The following MROH2B variants were observed in gnomAD, a reference collection of about 807,000 sequenced individuals.
The protein encoded by MROH2B is maestro heat like repeat family member 2B, also known as maestro heat-like repeat-containing protein family member 2B.
In MROH2B, 177 loss-of-function variants were observed where a neutral mutation model predicts 208.6. The observed-to-expected ratio is 0.85, with a 90% CI of 0.75 to 0.96. MROH2B has a LOEUF of 0.96. MROH2B is among the 40% of genes least tolerant of loss of function. The pLI, the probability that MROH2B is intolerant of heterozygous loss-of-function variation, is 0.00. For synonymous variants in MROH2B, 728 were observed against 659.0 expected, an observed-to-expected ratio of 1.10 and a Z score of -1.60; for missense variants, 2,002 against 1,878.7, an observed-to-expected ratio of 1.07 and a Z score of -1.21.
chr5:41,048,995 CTTTT>C (rs943008116), intron 15 of MROH2B, 102 bp downstream of exon 15: 1 of 1,108,360 alleles, frequency 9.0e-7, no homozygotes, highest in Non-Finnish European at 1.3e-6. Flanking sequence ...TTTAGTGTTT[CTTTT>C]TGTTTGGAGT....
intron 31 of MROH2B, 30 bp from the exon 32 acceptor site, chr5:41,009,436 T>A: frequency 6.2e-7 from 1 of 1,610,980 alleles, no homozygotes; most frequent in East Asian, 2.2e-5. Flanking sequence ...AATTGGTAGA[T>A]AAGGCACAAC....
chr5:41,009,152 G>A lies in MROH2B; in HGVS notation c.3420+128C>T, dbSNP rs186026915. On this transcript the variant is annotated intron_variant, in intron 32 of 41. Coordinates refer to ENST00000399564, the MANE Select transcript of MROH2B (RefSeq NM_173489.5). The stretch of plus-strand genomic sequence containing the variant: ...AAAAGTAGAGCCACAACTATAAACT[G>A]GAGTAAAGTTAGGGTATGAGAGAAG... The A allele has an allele frequency of 2.5e-4, 326 of 1,291,794 alleles. 1 individual carries two copies. The African/African-American group carries it at 4.5e-3, about 18-fold the overall frequency. 80.0% of individuals were successfully genotyped at this position (1,291,794 alleles called of 1,614,324 possible). A position where few individuals can be genotyped will look rare whatever the true frequency, so the allele number is the denominator to read the frequency against.
chr5:41,067,587 C>G (rs1360135158), intron 2 of MROH2B, among the ~76,000 whole-genome samples: 1 of 152,008 alleles, frequency 6.6e-6, no homozygotes. Flanking sequence ...ACGCTGGTCT[C>G]GAACTCCTGA....
At chr5:41,030,684 G>A (rs1242626361) in intron 24 of MROH2B, among the ~76,000 whole-genome samples, 1 of 151,982 alleles carries the variant, frequency 6.6e-6, no homozygotes, top group Non-Finnish European at 1.5e-5. Context: ...TAAGAAAAAA[G>A]AACAAATCTG....
chr5:41,043,133 A>G (rs1313374012), intron 18 of MROH2B, among the ~76,000 whole-genome samples: 2 of 152,198 alleles, frequency 1.3e-5, no homozygotes, highest in Admixed American at 6.5e-5. Flanking sequence ...AGGAAATTCT[A>G]ATAGACACAG....
chr5:41,040,824 C>A (rs1742923456), intron 19 of MROH2B, among the ~76,000 whole-genome samples: 1 of 152,090 alleles, frequency 6.6e-6, no homozygotes, highest in Admixed American at 6.5e-5. Flanking sequence ...CATCACCACA[C>A]CCGACTAATT....
intron 3 of MROH2B, among the ~76,000 whole-genome samples, chr5:41,065,726 G>A (rs531990752): frequency 1.4e-4 from 21 of 152,092 alleles, no homozygotes; most frequent in Middle Eastern, 3.4e-3. Flanking sequence ...CTGCAAAAAC[G>A]TCTACTGACC....
chr5:40,998,794 CA>C, intron 40 of MROH2B, 117 bp from the exon 41 acceptor site: 1 of 790,904 alleles, frequency 1.3e-6, no homozygotes, highest in Non-Finnish European at 2.1e-6. Flanking sequence ...GGTGAATGAG[CA>C]AACTATATGA....
chr5:41,028,600 ATGT>A (rs765302130), intron 24 of MROH2B, among the ~76,000 whole-genome samples: 2 of 152,130 alleles, frequency 1.3e-5, no homozygotes, highest in Non-Finnish European at 2.9e-5. Context: ...ACATAGTATA[ATGT>A]TGTACAGGTC....
Position 41,015,442 on chromosome 5 carries a change from T to G in MROH2B, c.2921A>C (p.Gln974Pro), listed in dbSNP as rs747439700. 2.5e-6 allele frequency: 4 copies of G among 1,613,606 alleles called. No individual in the cohort carries two copies. The highest frequency in any genetic ancestry group is 3.4e-6 in the Non-Finnish European group (4 of 1,179,670). ...CACGTCATCACTTTCCAGCCCTTCC[T>G]GCAAACCCTGCAGTCTTTCCACTTC... ...HLEVERLQGL[Q>P]EGLESDDVQV... The change falls in exon 29 of 42, where the codon CAG becomes CCG. Residue 974 changes from glutamine to proline, a missense_variant. Physicochemically the swap from Gln to Pro is moderately conservative, Grantham distance 76. Transcript: ENST00000399564.
chr5:41,066,256 A>T (rs961824646), intron 3 of MROH2B, among the ~76,000 whole-genome samples: 1 of 152,182 alleles, frequency 6.6e-6, no homozygotes, highest in Admixed American at 6.5e-5. Context: ...GAACTAGGTA[A>T]ATTTGATCAA....
intron 3 of MROH2B, among the ~76,000 whole-genome samples, chr5:41,066,300 T>G (rs1743812954): frequency 6.6e-6 from 1 of 152,164 alleles, no homozygotes; most frequent in Non-Finnish European, 1.5e-5. Flanking sequence ...AGGACCCAGA[T>G]AAGATATTAA....
At chr5:41,066,962 G>A (rs1425512422) in intron 3 of MROH2B, 146 bp downstream of exon 3, 1 of 635,794 alleles carries the variant, frequency 1.6e-6, no homozygotes, top group African/African-American at 1.9e-5. Context: ...GTAAATATCA[G>A]GCATTATAAC....
intron 29 of MROH2B, among the ~76,000 whole-genome samples, chr5:41,014,023 G>T (rs1741857807): frequency 6.6e-6 from 1 of 152,142 alleles, no homozygotes. Flanking sequence ...ATGTAAGTCT[G>T]GTTGTGTTTT....
At chr5:41,064,402 C>T (rs1561308693) in intron 5 of MROH2B, 70 bp downstream of exon 5, 3 of 1,320,246 alleles carry the variant, frequency 2.3e-6, no homozygotes, top group Non-Finnish European at 3.2e-6. Context: ...GAAAACAAGA[C>T]TTTTGCTTAA....
At chr5:41,010,432 T>C (rs930802497) in intron 30 of MROH2B, among the ~76,000 whole-genome samples, 4 of 152,198 alleles carry the variant, frequency 2.6e-5, no homozygotes, top group East Asian at 1.9e-4. Flanking sequence ...AGGCAGTCTA[T>C]GGCAAATGGT....
chr5:41,007,808 A>G (rs559317481), intron 33 of MROH2B, among the ~76,000 whole-genome samples: 11 of 152,378 alleles, frequency 7.2e-5, no homozygotes, highest in African/African-American at 2.6e-4. Flanking sequence ...GTTCTTGGCC[A>G]GACAGTACTT....
intron 37 of MROH2B, among the ~76,000 whole-genome samples, chr5:41,003,864 AG>A (rs1741483531): frequency 6.6e-6 from 1 of 152,226 alleles, no homozygotes; most frequent in Non-Finnish European, 1.5e-5. Flanking sequence ...GAAGGCATAG[AG>A]GAAAATGACC....
intron 18 of MROH2B, among the ~76,000 whole-genome samples, chr5:41,042,555 G>A (rs958645646): frequency 6.6e-6 from 1 of 152,098 alleles, no homozygotes; most frequent in Non-Finnish European, 1.5e-5. Context: ...TTGTTAATAT[G>A]TGCTCAACAA....
Sources: gnomAD v4.1 joint callset for allele counts (sites outside exome capture counted in the v4.1 genomes callset) on GRCh38, gnomAD v4.1.1 for gene constraint, MANE v1.5 for transcripts, NCBI Gene and HGNC (gene_info 2026-07-23, HGNC 2026-07-21) for gene names.